The following CADPS2 variants were observed in gnomAD, a reference collection of about 807,000 sequenced individuals.
The protein encoded by CADPS2 is calcium-dependent secretion activator 2.
CADPS2 carries 93 observed loss-of-function variants against 172.5 expected under a neutral mutation model. That is an observed-to-expected ratio of 0.54 (90% CI 0.46 to 0.64). The LOEUF is 0.64. CADPS2 is among the 30% of genes least tolerant of loss of function. The pLI, the probability that CADPS2 is intolerant of heterozygous loss-of-function variation, is 0.00. For synonymous variants in CADPS2, 546 were observed against 555.2 expected, an observed-to-expected ratio of 0.98 and a Z score of 0.23; for missense variants, 1,420 against 1,565.9, an observed-to-expected ratio of 0.91 and a Z score of 1.57.
intron 15 of CADPS2, among the ~76,000 whole-genome samples, chr7:122,446,553 C>T (rs900422047): frequency 7.2e-5 from 11 of 152,148 alleles, no homozygotes; most frequent in Admixed American, 2.6e-4. Context: ...TAGAACTACC[C>T]CTGGTCCTGT....
intron 2 of CADPS2, among the ~76,000 whole-genome samples, chr7:122,691,202 C>A (rs80264890): frequency 0.028 from 4,331 of 152,148 alleles, 91 homozygotes; most frequent in Non-Finnish European, 0.04. Flanking sequence ...CGACTGTAAC[C>A]CATTCTGCCA....
At position 122,490,141 on chromosome 7, in the gene CADPS2, C is replaced by A; in HGVS notation, c.1792G>T (p.Ala598Ser). ...ATGQSYKPVP[A>S]IQTQKLNPKG... ...GGATTCAGTTTCTGGGTTTGAATTGCAGGAACTGGTTTATATGATTGACCT... is the reference window on the plus strand; with the variant it reads ...GGATTCAGTTTCTGGGTTTGAATTGAAGGAACTGGTTTATATGATTGACCT... The change falls in exon 11 of 30, where the codon GCA becomes TCA. Residue 598 changes from alanine to serine, a missense_variant. Ala to Ser is a moderately conservative substitution (Grantham distance 99). Transcript: ENST00000449022. 1.9e-6 allele frequency: 3 copies of A among 1,613,438 alleles called. No homozygotes were observed. Among genetic ancestry groups the A allele is most frequent in the Non-Finnish European group, 2.5e-6 (3 of 1,179,558 alleles).
At chr7:122,697,764 T>C (rs763955337) in intron 2 of CADPS2, 23 of 1,536,930 alleles carry the variant, frequency 1.5e-5, no homozygotes, top group East Asian at 4.5e-5. Context: ...ACAGGTTTAA[T>C]ACACTTCCTC....
At chr7:122,529,497 G>A (rs1176471230) in intron 8 of CADPS2, among the ~76,000 whole-genome samples, 1 of 151,964 alleles carries the variant, frequency 6.6e-6, no homozygotes, top group Non-Finnish European at 1.5e-5. Context: ...AACTTGTAGA[G>A]GAACAATACT....
At chr7:122,745,026 G>A (rs542265529) in intron 1 of CADPS2, among the ~76,000 whole-genome samples, 1 of 149,672 alleles carries the variant, frequency 6.7e-6, no homozygotes, top group African/African-American at 2.5e-5. Context: ...AAACATTTAA[G>A]GTATACAAAG....
rs564723088 is a variant in CADPS2 at position 122,464,369 on chromosome 7, TTAAA to T, written c.2186+7002_2186+7005del. Among the ~76,000 whole-genome samples the T allele has an allele frequency of 1.1e-4, 17 of 152,228 alleles. No individual in the cohort carries two copies. The South Asian group carries it at 1.7e-3, about 15-fold the overall frequency. Reference sequence around the variant, plus strand: ...AATCTATACGGATATAAACAAATGGTTAAATAAATAAATTGGAAAGAAGAGACAT... The same window carrying T: ...AATCTATACGGATATAAACAAATGGTTAAATAAATTGGAAAGAAGAGACAT... On this transcript the variant is annotated intron_variant, in intron 14 of 29. Coordinates refer to ENST00000449022, the MANE Select transcript of CADPS2 (RefSeq NM_017954.11).
intron 2 of CADPS2, among the ~76,000 whole-genome samples, chr7:122,668,317 A>C (rs1289503902): frequency 6.6e-6 from 1 of 151,568 alleles, no homozygotes; most frequent in Non-Finnish European, 1.5e-5. Flanking sequence ...ATGTGTGTGC[A>C]TTTGTATATG....
chr7:122,648,145 C>A (rs1262994249), intron 3 of CADPS2, among the ~76,000 whole-genome samples: 1 of 152,078 alleles, frequency 6.6e-6, no homozygotes, highest in East Asian at 1.9e-4. Flanking sequence ...GAAATGGCTT[C>A]TCTTGGATTC....
At chr7:122,840,065 T>C (rs945784710) in intron 1 of CADPS2, among the ~76,000 whole-genome samples, 3 of 151,974 alleles carry the variant, frequency 2.0e-5, no homozygotes, top group Non-Finnish European at 4.4e-5. Context: ...ATTAAGAAAA[T>C]GAGGCACATA....
chr7:122,681,298 C>T (rs983560397), intron 2 of CADPS2: 53 of 997,676 alleles, frequency 5.3e-5, no homozygotes, highest in South Asian at 3.3e-4. Context: ...AAGAGCTCTC[C>T]GGTCCGTGCC....
At chr7:122,532,804 T>A (rs1245728943) in intron 8 of CADPS2, among the ~76,000 whole-genome samples, 1 of 152,156 alleles carries the variant, frequency 6.6e-6, no homozygotes, top group African/African-American at 2.4e-5. Context: ...GATAAACAAT[T>A]TTAATGGAAA....
intron 2 of CADPS2, among the ~76,000 whole-genome samples, chr7:122,704,042 T>A (rs1056221127): frequency 6.6e-6 from 1 of 152,132 alleles, no homozygotes; most frequent in African/African-American, 2.4e-5. Flanking sequence ...TTTTCTATCA[T>A]GTATAGGTTA....
chr7:122,508,104 T>C (rs1433626743), intron 9 of CADPS2, among the ~76,000 whole-genome samples: 2 of 152,110 alleles, frequency 1.3e-5, no homozygotes, highest in Non-Finnish European at 2.9e-5. Flanking sequence ...GACATATATA[T>C]GCATATGAAT....
chr7:122,419,616 TATAAACCA>T (rs2048321175), intron 17 of CADPS2, among the ~76,000 whole-genome samples: 1 of 152,168 alleles, frequency 6.6e-6, no homozygotes, highest in Admixed American at 6.5e-5. Flanking sequence ...CAAAGTTGTC[TATAAACCA>T]AACAGATGCT....
chr7:122,483,114 A>T (rs1050869612), intron 11 of CADPS2, among the ~76,000 whole-genome samples: 2 of 152,236 alleles, frequency 1.3e-5, no homozygotes, highest in African/African-American at 4.8e-5. Flanking sequence ...ACTTGAAAGC[A>T]AAGCTTGAGA....
chr7:122,667,514 A>T (rs370449308), intron 2 of CADPS2, among the ~76,000 whole-genome samples: 1 of 152,212 alleles, frequency 6.6e-6, no homozygotes, highest in South Asian at 2.1e-4. Flanking sequence ...AGTGTCAACA[A>T]CATTTCAGGG....
intron 8 of CADPS2, among the ~76,000 whole-genome samples, chr7:122,527,580 A>AAGAGAGAGAGAGAG (rs1192583104): frequency 7.0e-5 from 6 of 85,468 alleles, no homozygotes; most frequent in South Asian, 4.3e-4. Flanking sequence ...GATAATACTG[A>AAGAGAGAGAGAGAG]ATAGAGAGAG....
intron 2 of CADPS2, among the ~76,000 whole-genome samples, chr7:122,692,528 C>G (rs954154743): frequency 1.3e-5 from 2 of 152,324 alleles, no homozygotes; most frequent in South Asian, 4.1e-4. Flanking sequence ...CTGTCTACTG[C>G]CTCCCACGTT....
chr7:122,542,823 GAGTTA>G (rs996550203), intron 8 of CADPS2, among the ~76,000 whole-genome samples: 3 of 151,888 alleles, frequency 2.0e-5, no homozygotes, highest in Admixed American at 6.6e-5. Flanking sequence ...TTCATAAGAG[GAGTTA>G]AGCCCTTTCT....
Sources: allele counts gnomAD v4.1 joint callset (sites outside exome capture counted in the v4.1 genomes callset), GRCh38; gene constraint gnomAD v4.1.1; transcripts MANE v1.5; gene names NCBI Gene and HGNC (gene_info 2026-07-23, HGNC 2026-07-21).